Variants in ARPC1A observed in about 807,000 individuals in gnomAD.
ARPC1A encodes the protein actin-related protein 2/3 complex subunit 1A.
Under a neutral mutation model 46.9 loss-of-function variants are expected in ARPC1A, and 8 were observed. The observed-to-expected ratio is 0.17, with a 90% CI of 0.10 to 0.31. The LOEUF is 0.31. Among genes scored for constraint, ARPC1A ranks in the 10% least tolerant of loss-of-function variants. The pLI is 1.00. For synonymous variants in ARPC1A, 152 were observed against 169.0 expected (o/e 0.90, Z 0.78); for missense variants, 286 against 483.6 (o/e 0.59, Z 3.83).
chr7:99,359,771 A>T, intron 8 of ARPC1A, 33 bp downstream of exon 8: 1 of 1,611,310 alleles, frequency 6.2e-7, no homozygotes, highest in Non-Finnish European at 8.5e-7. Context: ...TGGTCAGGTG[A>T]CAAGGTGCCT....
chr7:99,360,131 G>A (rs536780489), intron 8 of ARPC1A: 3 of 212,622 alleles, frequency 1.4e-5, no homozygotes, highest in East Asian at 1.1e-4. Flanking sequence ...AACAGAAAGC[G>A]AAGTTACAGC....
At chr7:99,341,600 A>G (rs902402539) in intron 3 of ARPC1A, among the ~76,000 whole-genome samples, 1 of 142,298 alleles carries the variant, frequency 7.0e-6, no homozygotes, top group African/African-American at 2.9e-5. Context: ...TAAGAGCAAA[A>G]CTCTGTCTCA....
intron 4 of ARPC1A, among the ~76,000 whole-genome samples, chr7:99,348,073 A>G (rs963046146): frequency 5.3e-5 from 8 of 152,134 alleles, no homozygotes; most frequent in African/African-American, 1.9e-4. Context: ...AGGTTCTTCT[A>G]ATTTCTTGGT....
In ARPC1A at chr7:99,346,925, GCCGAGACCA is replaced by G. The variant is rs1248586553; in HGVS notation, c.393-1926_393-1918del. On this transcript the variant is annotated intron_variant, in intron 4 of 9. Coordinates refer to ENST00000262942, the MANE Select transcript of ARPC1A (RefSeq NM_006409.4). The stretch of plus-strand genomic sequence containing the variant: ...ACCAGGGAGGTAGAGGTTGCAATGA[GCCGAGACCA>G]TGCCACTGCACTCCAGCCTGGGCAA... Among the ~76,000 whole-genome samples the G allele has an allele frequency of 2.0e-5, 3 of 152,256 alleles. No homozygotes were observed. In the East Asian group the frequency reaches 5.8e-4, roughly 29 times the overall value.
intron 3 of ARPC1A, 93 bp from the exon 4 acceptor site, chr7:99,344,200 T>C (rs1389471650): frequency 8.6e-7 from 1 of 1,166,838 alleles, no homozygotes; most frequent in Non-Finnish European, 1.3e-6. Flanking sequence ...CAAGACCACG[T>C]CTCATCCTGG....
intron 1 of ARPC1A, among the ~76,000 whole-genome samples, chr7:99,329,310 AAAAAG>A (rs1277975441): frequency 2.0e-5 from 3 of 152,100 alleles, no homozygotes; most frequent in African/African-American, 7.2e-5. Context: ...CAAAAAAAAA[AAAAAG>A]AAAATAAAGA....
At chr7:99,333,463 A>G (rs770298119) in intron 2 of ARPC1A, 46 bp downstream of exon 2, 1 of 1,541,778 alleles carries the variant, frequency 6.5e-7, no homozygotes, top group East Asian at 2.2e-5. Context: ...TACCTTTGGT[A>G]CATTTCATCT....
intron 2 of ARPC1A, among the ~76,000 whole-genome samples, chr7:99,334,004 T>TACACACAC (rs547756931): frequency 3.5e-4 from 49 of 141,364 alleles, no homozygotes; most frequent in African/African-American, 1.3e-3. Context: ...TGTGTGTGTG[T>TACACACAC]ACACACACAC....
intron 7 of ARPC1A, among the ~76,000 whole-genome samples, chr7:99,358,980 C>T (rs989813932): frequency 1.8e-4 from 27 of 151,810 alleles, no homozygotes; most frequent in Non-Finnish European, 2.9e-4. Context: ...TACAGGCGCC[C>T]GCCACCTCGC....
At position 99,328,157 on chromosome 7, in the gene ARPC1A, G is replaced by T. The variant is rs117898971; in HGVS notation, c.-30+2153G>T. Among the ~76,000 whole-genome samples, 1,407 of 152,254 alleles carry T rather than the reference G, an allele frequency of 9.2e-3. 11 individuals are homozygous for T. The highest frequency in any genetic ancestry group is 0.015 in the Non-Finnish European group (993 of 68,028). On this transcript the variant is annotated intron_variant, in intron 1 of 9. Coordinates refer to ENST00000262942, the MANE Select transcript of ARPC1A (RefSeq NM_006409.4). The stretch of plus-strand genomic sequence containing the variant: ...AGGCTGAGGCGGGTGGATCACCAAG[G>T]TCAGGAGTTTGAGACCAGCCTGACC...
chr7:99,353,773 C>A, intron 5 of ARPC1A, 136 bp from the exon 6 acceptor site: 1 of 875,416 alleles, frequency 1.1e-6, no homozygotes, highest in Non-Finnish European at 1.7e-6. Context: ...GCCACCGTGC[C>A]CAGCTCATGT....
chr7:99,362,070 G>A (rs1016084794), intron 8 of ARPC1A, among the ~76,000 whole-genome samples: 4 of 151,978 alleles, frequency 2.6e-5, no homozygotes, highest in Admixed American at 6.6e-5. Context: ...TGGGGTGGGC[G>A]GATCACTTGA....
rs1001749433 is a variant in ARPC1A, at chr7:99,338,606, G to A, written c.169+321G>A. On this transcript the variant is annotated intron_variant, in intron 3 of 9. Coordinates refer to ENST00000262942, the MANE Select transcript of ARPC1A (RefSeq NM_006409.4). ...TCACCATGTTGGTCAAGCTGGTCTCGAACCCCTGACCTCGTGATCCTCCTG... is the reference window on the plus strand; with the variant it reads ...TCACCATGTTGGTCAAGCTGGTCTCAAACCCCTGACCTCGTGATCCTCCTG... Among the ~76,000 whole-genome samples, 4 of 151,780 alleles carry A rather than the reference G, an allele frequency of 2.6e-5. No individual in the cohort carries two copies. In the South Asian group the frequency reaches 6.3e-4, roughly 24 times the overall value.
chr7:99,344,148 A>T, intron 3 of ARPC1A, 145 bp from the exon 4 acceptor site: 1 of 688,572 alleles, frequency 1.5e-6, no homozygotes. Context: ...GGCGGTGATC[A>T]GGACATAGAT....
At position 99,335,462 on chromosome 7, in the gene ARPC1A, G is replaced by C. The variant is rs538614520; in HGVS notation, c.64+2045G>C. ...TTTATCCTAATTTCAGGACCAGTCT[G>C]TCTTGATTACTATAGCTTGGTGGTA... On this transcript the variant is annotated intron_variant, in intron 2 of 9. Coordinates refer to ENST00000262942, the MANE Select transcript of ARPC1A (RefSeq NM_006409.4). The C allele has an allele frequency of 9.5e-6, 4 of 423,174 alleles. No homozygotes were observed. In the Admixed American group the frequency reaches 1.1e-4, roughly 12 times the overall value. The allele number at this position is 423,174 out of a possible 1,614,324, so 26.2% of individuals were successfully genotyped here. A position where few individuals can be genotyped will look rare whatever the true frequency, so the allele number is the denominator to read the frequency against.
chr7:99,338,416 C>T lies in ARPC1A; in HGVS notation c.169+131C>T, dbSNP rs190518038. On this transcript the variant is annotated intron_variant, in intron 3 of 9. Transcript: ENST00000262942. ...TTTTTTTTTTTTTGAGAAGGAGTAT[C>T]ACTCTTTCGCCCAGGCTGGACTGCA... 56 of 529,868 alleles carry T rather than the reference C, an allele frequency of 1.1e-4. No homozygotes were observed. In the East Asian group the frequency reaches 1.9e-3, roughly 18 times the overall value. The allele number at this position is 529,868 out of a possible 1,614,324, so 32.8% of individuals were successfully genotyped here. A position where few individuals can be genotyped will look rare whatever the true frequency, so the allele number is the denominator to read the frequency against.
At chr7:99,365,593 CA>C (rs1793823157) in intron 9 of ARPC1A, among the ~76,000 whole-genome samples, 1 of 147,458 alleles carries the variant, frequency 6.8e-6, no homozygotes, top group Non-Finnish European at 1.5e-5. Flanking sequence ...CAGCCTGGGG[CA>C]ACAGAGCAAG....
At chr7:99,328,898 CT>C (rs1005817649) in intron 1 of ARPC1A, among the ~76,000 whole-genome samples, 32 of 151,822 alleles carry the variant, frequency 2.1e-4, no homozygotes, top group African/African-American at 7.7e-4. Flanking sequence ...TTGCAGTGAA[CT>C]GAGATCACAC....
chr7:99,339,435 G>A (rs1793324036), intron 3 of ARPC1A, among the ~76,000 whole-genome samples: 1 of 152,118 alleles, frequency 6.6e-6, no homozygotes, highest in South Asian at 2.1e-4. Context: ...AGGCTGAAGT[G>A]GGAGGACCAC....
Sources: gnomAD v4.1 joint callset for allele counts (sites outside exome capture counted in the v4.1 genomes callset) on GRCh38, gnomAD v4.1.1 for gene constraint, MANE v1.5 for transcripts, NCBI Gene and HGNC (gene_info 2026-07-23, HGNC 2026-07-21) for gene names.